Variants in CACNA1C observed in about 807,000 individuals in gnomAD.
CACNA1C encodes calcium voltage-gated channel subunit alpha1 C.
A neutral mutation model predicts 229.0 loss-of-function variants in CACNA1C; 30 were observed. The ratio of observed to expected loss-of-function variants is 0.13; its 90% CI spans 0.10 to 0.18. The LOEUF (loss-of-function observed/expected upper bound fraction) is 0.18, where lower values mean the gene tolerates loss of function less well. CACNA1C is among the 10% of genes least tolerant of loss of function. The probability of loss-of-function intolerance (pLI) is 1.00; values close to 1 mark genes in which losing one functional copy is unlikely to be tolerated. For missense variants in CACNA1C, 1,658 were observed against 2,845.0 expected (o/e 0.58, Z 9.49); for synonymous variants, 1,114 against 1,132.5 (o/e 0.98, Z 0.33).
chr12:2,593,382 T>C, intron 19 of CACNA1C, 37 bp downstream of exon 19: 3 of 1,609,776 alleles, frequency 1.9e-6, no homozygotes, highest in South Asian at 2.2e-5. Context: ...GGTCCTGCTC[T>C]CTCTAGTACC....
At chr12:2,391,141 A>G (rs546185532) in intron 3 of CACNA1C, among the ~76,000 whole-genome samples, 1 of 152,326 alleles carries the variant, frequency 6.6e-6, no homozygotes, top group South Asian at 2.1e-4. Context: ...CAGAAGACCA[A>G]GAAGATGGGG....
At chr12:2,258,635 T>C (rs1350053478) in intron 3 of CACNA1C, among the ~76,000 whole-genome samples, 3 of 152,228 alleles carry the variant, frequency 2.0e-5, no homozygotes, top group Admixed American at 2.0e-4. Context: ...CCAGATTTAA[T>C]CCAGGGCCCC....
rs887019073 is a variant in CACNA1C, at chr12:2,384,555, G to A, written c.478-64421G>A. The stretch of plus-strand genomic sequence containing the variant: ...AGTTCATGACTCTTTTTCAACCCCA[G>A]CCTCCCTTTCTCCGTTTGTGTACAT... On this transcript the variant is annotated intron_variant, in intron 3 of 46. Transcript: ENST00000399655. Among the ~76,000 whole-genome samples the A allele has an allele frequency of 4.2e-4, 64 of 152,190 alleles. 1 individual carries two copies. Among genetic ancestry groups the A allele is most frequent in the African/African-American group, 1.2e-3 (50 of 41,524 alleles).
chr12:2,078,081 C>G (rs915798431), intron 1 of CACNA1C, among the ~76,000 whole-genome samples: 9 of 152,186 alleles, frequency 5.9e-5, no homozygotes, highest in African/African-American at 2.2e-4. Flanking sequence ...GGGGATAGGG[C>G]CTTTGGGAGT....
intron 11 of CACNA1C, among the ~76,000 whole-genome samples, chr12:2,558,362 G>A (rs1286140874): frequency 6.9e-6 from 1 of 144,180 alleles, no homozygotes; most frequent in Non-Finnish European, 1.5e-5. Context: ...TGCCCTTAGG[G>A]CATCCACTGC....
intron 1 of CACNA1C, among the ~76,000 whole-genome samples, chr12:2,007,999 T>C (rs886654866): frequency 6.6e-6 from 1 of 152,228 alleles, no homozygotes; most frequent in Non-Finnish European, 1.5e-5. Flanking sequence ...AGAATTGTTA[T>C]AGAAAATCTA....
At chr12:2,281,052 GCTGCACCCAGTAA>G (rs2154435101) in intron 3 of CACNA1C, among the ~76,000 whole-genome samples, 1 of 152,074 alleles carries the variant, frequency 6.6e-6, no homozygotes, top group Non-Finnish European at 1.5e-5. Context: ...ATGTTGGTGT[GCTGCACCCAGTAA>G]CTCGTCATTT....
chr12:2,610,433 C>T (rs925481635), intron 27 of CACNA1C, 108 bp from the exon 28 acceptor site: 2 of 1,127,890 alleles, frequency 1.8e-6, no homozygotes, highest in African/African-American at 1.5e-5. Flanking sequence ...TCCGGAGAAC[C>T]CCACCCCACA....
At chr12:2,598,678 T>A (rs2070042625) in intron 21 of CACNA1C, among the ~76,000 whole-genome samples, 1 of 152,184 alleles carries the variant, frequency 6.6e-6, no homozygotes, top group South Asian at 2.1e-4. Flanking sequence ...GCTGCAGGCC[T>A]CTCCTTCCCT....
intron 3 of CACNA1C, among the ~76,000 whole-genome samples, chr12:2,158,772 C>T (rs889889946): frequency 2.0e-5 from 3 of 152,138 alleles, no homozygotes; most frequent in East Asian, 3.9e-4. Context: ...AAACTTAGCC[C>T]GATGCACCTT....
At chr12:2,634,973 C>T (rs932351061) in intron 30 of CACNA1C, among the ~76,000 whole-genome samples, 2 of 152,194 alleles carry the variant, frequency 1.3e-5, no homozygotes, top group Non-Finnish European at 2.9e-5. Context: ...GCAGCCCATG[C>T]AGGCATCCAG....
intron 9 of CACNA1C, among the ~76,000 whole-genome samples, chr12:2,539,144 C>T (rs940049983): frequency 2.0e-5 from 3 of 152,194 alleles, no homozygotes; most frequent in African/African-American, 7.2e-5. Context: ...TTGCCTGTGC[C>T]GTAGGGGTAT....
Position 2,404,288 on chromosome 12 carries a change from C to T in CACNA1C, c.478-44688C>T, listed in dbSNP as rs185206042. Among the ~76,000 whole-genome samples, 102 of 152,258 alleles carry T rather than the reference C, an allele frequency of 6.7e-4. 3 individuals are homozygous for T. Among genetic ancestry groups the T allele is most frequent in the Admixed American group, 6.5e-3 (100 of 15,304 alleles). On this transcript the variant is annotated intron_variant, in intron 3 of 46. Transcript: ENST00000399655. ...GCCTTTTCCTCACAGTAACTAAGAGCGCTCATGGGGGCAGCCTAGCCTGTC... is the reference window on the plus strand; with the variant it reads ...GCCTTTTCCTCACAGTAACTAAGAGTGCTCATGGGGGCAGCCTAGCCTGTC...
rs1280010325 is a variant in CACNA1C at position 2,376,412 on chromosome 12, G to T, written c.478-72564G>T. Among the ~76,000 whole-genome samples, 9 of 152,110 alleles carry T rather than the reference G, an allele frequency of 5.9e-5. No individual in the cohort carries two copies. In the East Asian group the frequency reaches 7.7e-4, roughly 13 times the overall value. On this transcript the variant is annotated intron_variant, in intron 3 of 46. Coordinates refer to ENST00000399655, the MANE Select transcript of CACNA1C (RefSeq NM_000719.7). Reference sequence around the variant, plus strand: ...CTGTGCTTGAGGAGGGGGGCAAATAGCACCGAGATGGTGTCTTACCCACCT... The same window carrying T: ...CTGTGCTTGAGGAGGGGGGCAAATATCACCGAGATGGTGTCTTACCCACCT...
At chr12:2,383,112 C>T (rs1374304912) in intron 3 of CACNA1C, among the ~76,000 whole-genome samples, 2 of 152,174 alleles carry the variant, frequency 1.3e-5, no homozygotes, top group East Asian at 1.9e-4. Context: ...GTTTATCAGC[C>T]TTCTCTTCCA....
intron 3 of CACNA1C, among the ~76,000 whole-genome samples, chr12:2,400,146 T>C (rs1266630732): frequency 6.6e-6 from 1 of 152,184 alleles, no homozygotes; most frequent in Non-Finnish European, 1.5e-5. Flanking sequence ...ATGGTGTGGA[T>C]AATATTAAAT....
chr12:2,481,639 C>G (rs1285636274), intron 5 of CACNA1C, among the ~76,000 whole-genome samples: 1 of 152,254 alleles, frequency 6.6e-6, no homozygotes, highest in Non-Finnish European at 1.5e-5. Context: ...GAACTCCAAA[C>G]TAGCGAGACT....
At chr12:2,622,868 A>G (rs2084078786) in intron 29 of CACNA1C, among the ~76,000 whole-genome samples, 1 of 152,062 alleles carries the variant, frequency 6.6e-6, no homozygotes, top group African/African-American at 2.4e-5. Context: ...TCAGTTTTCC[A>G]TCTCCTGGTG....
At chr12:2,339,065 A>G (rs755578454) in intron 3 of CACNA1C, among the ~76,000 whole-genome samples, 1 of 152,246 alleles carries the variant, frequency 6.6e-6, no homozygotes, top group Non-Finnish European at 1.5e-5. Context: ...GATACATTCT[A>G]AGAAATGCGT....
Sources: allele counts gnomAD v4.1 joint callset (sites outside exome capture counted in the v4.1 genomes callset), GRCh38; gene constraint gnomAD v4.1.1; transcripts MANE v1.5; gene names NCBI Gene and HGNC (gene_info 2026-07-23, HGNC 2026-07-21).